The following SPATS2L variants were observed in gnomAD, a reference collection of about 807,000 sequenced individuals.
SPATS2L encodes the protein SPATS2-like protein.
In SPATS2L, 30 loss-of-function variants were observed where a neutral mutation model predicts 59.6. The observed-to-expected ratio is 0.50, with a 90% CI of 0.38 to 0.68. SPATS2L has a LOEUF of 0.68. Among genes scored for constraint, SPATS2L ranks in the 30% least tolerant of loss-of-function variants. The probability of loss-of-function intolerance (pLI) is 0.00; values close to 1 mark genes in which losing one functional copy is unlikely to be tolerated. For missense variants in SPATS2L, 615 were observed against 700.0 expected, an observed-to-expected ratio of 0.88 and a Z score of 1.37; for synonymous variants, 252 against 263.5, an observed-to-expected ratio of 0.96 and a Z score of 0.42.
intron 2 of SPATS2L, among the ~76,000 whole-genome samples, chr2:200,335,521 T>A (rs1418919399): frequency 1.3e-5 from 2 of 152,224 alleles, no homozygotes; most frequent in Non-Finnish European, 2.9e-5. Context: ...ATAAATGAAT[T>A]TTTAAATTTA....
chr2:200,372,468 G>A (rs2081459000), intron 2 of SPATS2L, among the ~76,000 whole-genome samples: 4 of 152,066 alleles, frequency 2.6e-5, no homozygotes, highest in Admixed American at 1.3e-4. Flanking sequence ...TTCCATGGTG[G>A]TTTGTCCTCA....
upstream of SPATS2L, chr2:200,306,623 G>A (rs1243666153): frequency 6.0e-6 from 6 of 993,778 alleles, no homozygotes; most frequent in Non-Finnish European, 7.2e-6. Context: ...CGAGGGGAAG[G>A]CGGGCGGGTC....
chr2:200,442,871 T>C (rs2084789504), intron 8 of SPATS2L, among the ~76,000 whole-genome samples: 1 of 152,118 alleles, frequency 6.6e-6, no homozygotes. Flanking sequence ...CATGTTGTGT[T>C]TTAAACTGAT....
intron 11 of SPATS2L, among the ~76,000 whole-genome samples, chr2:200,471,144 C>T (rs1172470717): frequency 1.3e-5 from 2 of 151,876 alleles, no homozygotes; most frequent in Admixed American, 6.6e-5. Context: ...CCAGCCTGGG[C>T]GACAGAGCGA....
chr2:200,331,731 C>A (rs925125232), intron 2 of SPATS2L, among the ~76,000 whole-genome samples: 11 of 151,886 alleles, frequency 7.2e-5, no homozygotes, highest in Admixed American at 4.6e-4. Flanking sequence ...TTAAACAAGC[C>A]CATATATGGA....
At chr2:200,436,309 T>C (rs536163360) in intron 6 of SPATS2L, among the ~76,000 whole-genome samples, 24 of 152,322 alleles carry the variant, frequency 1.6e-4, no homozygotes, top group Non-Finnish European at 2.9e-4. Context: ...AGATCTATAC[T>C]AAAGTAACAC....
At chr2:200,396,793 T>C (rs2082369298) in intron 3 of SPATS2L, among the ~76,000 whole-genome samples, 1 of 152,198 alleles carries the variant, frequency 6.6e-6, no homozygotes, top group Admixed American at 6.5e-5. Flanking sequence ...GTCAATTTAG[T>C]CCAACCCTTG....
intron 2 of SPATS2L, among the ~76,000 whole-genome samples, chr2:200,370,637 C>A (rs967784254): frequency 6.6e-6 from 1 of 151,996 alleles, no homozygotes; most frequent in Non-Finnish European, 1.5e-5. Flanking sequence ...TTCTATTATT[C>A]TATATATATT....
intron 2 of SPATS2L, among the ~76,000 whole-genome samples, chr2:200,342,142 T>G (rs2080352696): frequency 6.6e-6 from 1 of 152,216 alleles, no homozygotes; most frequent in South Asian, 2.1e-4. Context: ...ACCATGGACT[T>G]ATCACTAACT....
intron 1 of SPATS2L, among the ~76,000 whole-genome samples, chr2:200,323,829 A>T (rs17531484): frequency 1.8e-4 from 27 of 152,308 alleles, no homozygotes; most frequent in African/African-American, 6.5e-4. Flanking sequence ...AAAGACTATA[A>T]GGTAGAAAAA....
chr2:200,357,579 G>A (rs2080957730), intron 2 of SPATS2L, among the ~76,000 whole-genome samples: 1 of 152,056 alleles, frequency 6.6e-6, no homozygotes, highest in Non-Finnish European at 1.5e-5. Flanking sequence ...TTAGATTATG[G>A]TTTTGAAAAG....
intron 1 of SPATS2L, among the ~76,000 whole-genome samples, chr2:200,313,994 C>T (rs748553181): frequency 7.9e-5 from 12 of 152,190 alleles, no homozygotes; most frequent in Non-Finnish European, 1.2e-4. Context: ...CCTTAGCCTC[C>T]CCTACAGTTC....
chr2:200,461,977 T>C (rs1006050970), intron 9 of SPATS2L, among the ~76,000 whole-genome samples: 3 of 152,176 alleles, frequency 2.0e-5, no homozygotes, highest in African/African-American at 7.2e-5. Flanking sequence ...GGTGAAGCTA[T>C]GGACTATTTA....
chr2:200,346,501 C>T (rs1462710749), intron 2 of SPATS2L, among the ~76,000 whole-genome samples: 1 of 152,200 alleles, frequency 6.6e-6, no homozygotes, highest in Non-Finnish European at 1.5e-5. Context: ...CACTCCATTT[C>T]AGTGACTCCC....
chr2:200,350,071 C>T (rs760347156), intron 2 of SPATS2L, among the ~76,000 whole-genome samples: 8 of 152,146 alleles, frequency 5.3e-5, no homozygotes, highest in Non-Finnish European at 1.0e-4. Context: ...CCTGGGGTCT[C>T]AGCCTCTTGG....
intron 6 of SPATS2L, among the ~76,000 whole-genome samples, chr2:200,423,255 T>G (rs766783708): frequency 6.6e-6 from 1 of 152,212 alleles, no homozygotes; most frequent in Non-Finnish European, 1.5e-5. Context: ...TGCCTTCAAA[T>G]TATGAAGGTT....
At chr2:200,314,913 T>C (rs937780220) in intron 1 of SPATS2L, among the ~76,000 whole-genome samples, 11 of 152,230 alleles carry the variant, frequency 7.2e-5, no homozygotes, top group African/African-American at 2.7e-4. Flanking sequence ...TTTGATATAG[T>C]AGGTTAAACA....
chr2:200,479,812 T>C lies in SPATS2L; in HGVS notation c.*1781T>C, dbSNP rs1409510745. 1.0e-5 allele frequency: 4 copies of C among 398,482 alleles called. No individual in the cohort carries two copies. In the East Asian group the frequency reaches 1.1e-4, roughly 11 times the overall value. The allele number at this position is 398,482 out of a possible 1,614,324, so 24.7% of individuals were successfully genotyped here. A position where few individuals can be genotyped will look rare whatever the true frequency, so the allele number is the denominator to read the frequency against. On this transcript the variant is annotated 3_prime_UTR_variant, in exon 13 of 13. Transcript: ENST00000409140. ...TGCAAGCCACGCAAGCATCTGTTTC[T>C]TCTTTTGCCAAGTACAGGAGGATGT...
chr2:200,472,732 C>G, intron 11 of SPATS2L, 100 bp from the exon 12 acceptor site: 2 of 1,012,546 alleles, frequency 2.0e-6, no homozygotes, highest in Non-Finnish European at 3.0e-6. Flanking sequence ...TTTTGTGGAG[C>G]TCCTGGCCAG....
Sources: gnomAD v4.1 joint callset for allele counts (sites outside exome capture counted in the v4.1 genomes callset) on GRCh38, gnomAD v4.1.1 for gene constraint, MANE v1.5 for transcripts, NCBI Gene and HGNC (gene_info 2026-07-23, HGNC 2026-07-21) for gene names.